Variants in PAPPA2 observed in about 807,000 individuals in gnomAD.
PAPPA2 encodes the protein pappalysin 2, also known as pappalysin-2.
A neutral mutation model predicts 176.4 loss-of-function variants in PAPPA2; 86 were observed. That is an observed-to-expected ratio of 0.49 (90% confidence interval 0.41 to 0.58). PAPPA2 has a LOEUF of 0.58. Among genes scored for constraint, PAPPA2 ranks in the 20% least tolerant of loss-of-function variants. PAPPA2 has a pLI of 0.00. For missense variants in PAPPA2, 2,073 were observed against 2,256.9 expected (o/e 0.92, Z 1.65); for synonymous variants, 809 against 852.2 (o/e 0.95, Z 0.88).
chr1:176,750,629 C>T (rs1461413508), intron 14 of PAPPA2, among the ~76,000 whole-genome samples: 1 of 151,330 alleles, frequency 6.6e-6, no homozygotes, highest in Non-Finnish European at 1.5e-5. Context: ...AACAAAGTGA[C>T]AACAACAACA....
chr1:176,756,444 A>G (rs985498988), intron 14 of PAPPA2, among the ~76,000 whole-genome samples: 5 of 152,236 alleles, frequency 3.3e-5, no homozygotes, highest in Admixed American at 6.5e-5. Context: ...TTCAAGGATC[A>G]GCTAATATAT....
chr1:176,606,400 T>A (rs1654613935), intron 3 of PAPPA2, among the ~76,000 whole-genome samples: 2 of 152,166 alleles, frequency 1.3e-5, no homozygotes, highest in Admixed American at 1.3e-4. Flanking sequence ...AATACATTCT[T>A]GAAGAATGAG....
At chr1:176,834,530 A>C (rs1040459) in intron 21 of PAPPA2, among the ~76,000 whole-genome samples, 14,674 of 152,238 alleles carry the variant, frequency 0.096, 846 homozygotes, top group African/African-American at 0.15. Flanking sequence ...CTGTAGGCAT[A>C]TGTTGATGTG....
intron 9 of PAPPA2, among the ~76,000 whole-genome samples, chr1:176,704,206 T>TA (rs760980385): frequency 6.6e-6 from 1 of 152,206 alleles, no homozygotes; most frequent in Non-Finnish European, 1.5e-5. Context: ...CAGCTTCATC[T>TA]AAGGCAGCAC....
intron 4 of PAPPA2, among the ~76,000 whole-genome samples, chr1:176,680,931 G>A (rs914474450): frequency 3.3e-5 from 5 of 152,184 alleles, no homozygotes; most frequent in African/African-American, 9.7e-5. Context: ...AGGAGATGGG[G>A]AAAAGAGGAG....
intron 12 of PAPPA2, among the ~76,000 whole-genome samples, chr1:176,738,696 T>G (rs953373068): frequency 3.9e-5 from 6 of 152,096 alleles, no homozygotes; most frequent in Non-Finnish European, 7.4e-5. Context: ...CAATGGAAAT[T>G]AAGAGAAATA....
chr1:176,835,797 T>C (rs540302023), intron 21 of PAPPA2, among the ~76,000 whole-genome samples: 79 of 152,166 alleles, frequency 5.2e-4, no homozygotes, highest in African/African-American at 1.8e-3. Context: ...AGATTACAGG[T>C]GTGAGCCACT....
chr1:176,686,879 G>A (rs942277202), intron 4 of PAPPA2, among the ~76,000 whole-genome samples: 8 of 152,164 alleles, frequency 5.3e-5, no homozygotes, highest in African/African-American at 1.7e-4. Context: ...CATGGAGCAA[G>A]TGAGGATCAG....
chr1:176,524,257 A>C (rs879684553), intron 1 of PAPPA2, among the ~76,000 whole-genome samples: 1 of 152,212 alleles, frequency 6.6e-6, no homozygotes, highest in African/African-American at 2.4e-5. Context: ...CACTCAGCTC[A>C]GGCTAGCATG....
At chr1:176,769,583 C>G (rs373650741) in intron 15 of PAPPA2, 24 bp from the exon 16 acceptor site, 1 of 1,609,560 alleles carries the variant, frequency 6.2e-7, no homozygotes, top group African/African-American at 1.3e-5. Flanking sequence ...GTGACTTTGA[C>G]AGAAGCAATT....
intron 4 of PAPPA2, among the ~76,000 whole-genome samples, chr1:176,678,253 C>T (rs1659404752): frequency 1.3e-5 from 2 of 152,040 alleles, no homozygotes; most frequent in South Asian, 4.1e-4. Flanking sequence ...TAGAGTAACA[C>T]CTAAACATCC....
chr1:176,774,494 A>T (rs529819682), intron 17 of PAPPA2, among the ~76,000 whole-genome samples: 1 of 152,254 alleles, frequency 6.6e-6, no homozygotes, highest in South Asian at 2.1e-4. Flanking sequence ...GAGACTCCTC[A>T]GCGCCCTTTA....
intron 3 of PAPPA2, among the ~76,000 whole-genome samples, chr1:176,610,110 T>C (rs887754800): frequency 2.0e-5 from 3 of 152,034 alleles, no homozygotes; most frequent in Non-Finnish European, 1.5e-5. Context: ...TCTTTCCTAT[T>C]TGAGTATAAA....
In PAPPA2 at chr1:176,628,453, A is replaced by G. The variant is rs1177192102; in HGVS notation, c.1991+32858A>G. ...TGTACTGTAGGGGAGACATAAAGAG[A>G]CATGCCTTGATTTCCACTCTAAAGG... On this transcript the variant is annotated intron_variant, in intron 3 of 22. Coordinates refer to ENST00000367662, the MANE Select transcript of PAPPA2 (RefSeq NM_020318.3). Among the ~76,000 whole-genome samples the G allele has an allele frequency of 1.3e-5, 2 of 152,194 alleles. 1 individual carries two copies. Among genetic ancestry groups the G allele is most frequent in the Non-Finnish European group, 2.9e-5 (2 of 68,042 alleles).
intron 14 of PAPPA2, among the ~76,000 whole-genome samples, chr1:176,754,032 T>TC (rs930693763): frequency 1.6e-4 from 25 of 151,814 alleles, no homozygotes; most frequent in Non-Finnish European, 3.2e-4. Flanking sequence ...TTTTTTTTTT[T>TC]TCTTTCAACT....
intron 2 of PAPPA2, among the ~76,000 whole-genome samples, chr1:176,585,712 A>G (rs1653264197): frequency 6.6e-6 from 1 of 152,032 alleles, no homozygotes; most frequent in Non-Finnish European, 1.5e-5. Flanking sequence ...GAGTTATTCC[A>G]AAAGATCTAT....
chr1:176,829,283 A>C lies in PAPPA2; in HGVS notation c.5203-10890A>C, dbSNP rs148100681. Among the ~76,000 whole-genome samples the C allele has an allele frequency of 5.0e-3, 758 of 150,152 alleles. 12 individuals are homozygous for C. The highest frequency in any genetic ancestry group is 0.018 in the African/African-American group (726 of 40,596). On this transcript the variant is annotated intron_variant, in intron 21 of 22. Transcript: ENST00000367662. ...GGGAAGGAGGGAGAGAATGAGAGAGAATGGGGAAAAAAAAAAAGATGCTCA... is the reference window on the plus strand; with the variant it reads ...GGGAAGGAGGGAGAGAATGAGAGAGCATGGGGAAAAAAAAAAAGATGCTCA...
chr1:176,514,495 G>A (rs548897150), intron 1 of PAPPA2, among the ~76,000 whole-genome samples: 21 of 152,086 alleles, frequency 1.4e-4, no homozygotes, highest in South Asian at 6.2e-4. Context: ...TGGATCCCCC[G>A]GACCTTAACC....
intron 1 of PAPPA2, among the ~76,000 whole-genome samples, chr1:176,540,665 G>C (rs924103780): frequency 6.6e-6 from 1 of 152,158 alleles, no homozygotes; most frequent in Admixed American, 6.5e-5. Context: ...TCAAGATCTA[G>C]TTCAAAGGGC....
Sources: allele counts gnomAD v4.1 joint callset (sites outside exome capture counted in the v4.1 genomes callset), GRCh38; gene constraint gnomAD v4.1.1; transcripts MANE v1.5; gene names NCBI Gene and HGNC (gene_info 2026-07-23, HGNC 2026-07-21).